Variants in CABCOCO1 observed in about 807,000 individuals in gnomAD.
CABCOCO1 encodes ciliary associated calcium binding coiled-coil 1.
A neutral mutation model predicts 35.7 loss-of-function variants in CABCOCO1; 28 were observed. The ratio of observed to expected loss-of-function variants is 0.78; its 90% CI spans 0.58 to 1.07. The LOEUF (loss-of-function observed/expected upper bound fraction) is 1.07, where lower values mean the gene tolerates loss of function less well. CABCOCO1 is among the 50% of genes least tolerant of loss of function. The pLI is 0.00. For synonymous variants in CABCOCO1, 95 were observed against 100.1 expected (o/e 0.95, Z 0.30); for missense variants, 326 against 309.2 (o/e 1.05, Z -0.41).
At chr10:61,715,271 CTTCT>C (rs1477656600) in intron 5 of CABCOCO1, among the ~76,000 whole-genome samples, 1 of 152,018 alleles carries the variant, frequency 6.6e-6, no homozygotes, top group Admixed American at 6.6e-5. Context: ...ATGTAATGGC[CTTCT>C]TTGTCTCTTT....
At chr10:61,684,524 C>T (rs576261844) in intron 3 of CABCOCO1, among the ~76,000 whole-genome samples, 1 of 152,298 alleles carries the variant, frequency 6.6e-6, no homozygotes, top group South Asian at 2.1e-4. Flanking sequence ...CACCCATTCC[C>T]TTCCAAATCA....
At chr10:61,682,511 A>G (rs1839824302) in intron 3 of CABCOCO1, among the ~76,000 whole-genome samples, 1 of 152,188 alleles carries the variant, frequency 6.6e-6, no homozygotes, top group Non-Finnish European at 1.5e-5. Flanking sequence ...CCAGGTCCAT[A>G]GACCTAGATG....
At chr10:61,681,423 G>C (rs1421938090) in intron 3 of CABCOCO1, 111 bp downstream of exon 3, 1 of 778,860 alleles carries the variant, frequency 1.3e-6, no homozygotes. Flanking sequence ...GAAAAATACG[G>C]GTTTTTCCTG....
chr10:61,678,212 T>C (rs1839584207), intron 2 of CABCOCO1, among the ~76,000 whole-genome samples: 1 of 152,162 alleles, frequency 6.6e-6, no homozygotes, highest in African/African-American at 2.4e-5. Flanking sequence ...ATTGGGTCTG[T>C]TTCTGGACTT....
intron 5 of CABCOCO1, among the ~76,000 whole-genome samples, chr10:61,698,525 C>T (rs1840354042): frequency 1.3e-5 from 2 of 152,138 alleles, no homozygotes; most frequent in East Asian, 1.9e-4. Context: ...ACTAGAGTCA[C>T]ATTTTGGCAG....
At chr10:61,746,999 A>T (rs534706840) in intron 5 of CABCOCO1, among the ~76,000 whole-genome samples, 9 of 152,294 alleles carry the variant, frequency 5.9e-5, no homozygotes, top group African/African-American at 2.2e-4. Context: ...AGGTGATTAA[A>T]TCTGACAGAT....
At chr10:61,750,221 A>T (rs1174048180) in intron 5 of CABCOCO1, among the ~76,000 whole-genome samples, 1 of 152,146 alleles carries the variant, frequency 6.6e-6, no homozygotes, top group East Asian at 1.9e-4. Context: ...TCTCTGAGGA[A>T]CTCTTTATGG....
At chr10:61,748,715 A>G (rs1409952937) in intron 5 of CABCOCO1, among the ~76,000 whole-genome samples, 1 of 152,226 alleles carries the variant, frequency 6.6e-6, no homozygotes, top group Non-Finnish European at 1.5e-5. Context: ...GTAAGATCGC[A>G]TTCTCTGTTT....
At chr10:61,731,755 G>A (rs1161885257) in intron 5 of CABCOCO1, among the ~76,000 whole-genome samples, 1 of 129,978 alleles carries the variant, frequency 7.7e-6, no homozygotes, top group African/African-American at 2.8e-5. Flanking sequence ...AAGGGAGGGA[G>A]GACAGAGGGA....
chr10:61,681,811 AATCT>A (rs553772773), intron 3 of CABCOCO1, among the ~76,000 whole-genome samples: 382 of 152,282 alleles, frequency 2.5e-3, no homozygotes, highest in African/African-American at 8.9e-3. Flanking sequence ...CAAAAATAAG[AATCT>A]ATCCATATTT....
chr10:61,677,792 G>A (rs113329050), intron 2 of CABCOCO1, among the ~76,000 whole-genome samples: 2,166 of 146,826 alleles, frequency 0.015, 25 homozygotes, highest in Middle Eastern at 0.037. Flanking sequence ...GAGAACATGC[G>A]GTGTTTGGTT....
At chr10:61,748,870 C>T (rs368284856) in intron 5 of CABCOCO1, among the ~76,000 whole-genome samples, 1 of 152,098 alleles carries the variant, frequency 6.6e-6, no homozygotes, top group African/African-American at 2.4e-5. Flanking sequence ...TAACTTGGTA[C>T]AGCTGTATAA....
intron 5 of CABCOCO1, among the ~76,000 whole-genome samples, chr10:61,694,688 T>C (rs1226565718): frequency 6.6e-6 from 1 of 152,054 alleles, no homozygotes; most frequent in Non-Finnish European, 1.5e-5. Flanking sequence ...ATTATGAGCC[T>C]GACACTCAGA....
intron 5 of CABCOCO1, among the ~76,000 whole-genome samples, chr10:61,730,836 T>C (rs1169819041): frequency 6.6e-6 from 1 of 151,826 alleles, no homozygotes; most frequent in Non-Finnish European, 1.5e-5. Context: ...CTGTCAAAAA[T>C]GCATAAATCA....
At chr10:61,762,468 C>A (rs951178545) in intron 7 of CABCOCO1, among the ~76,000 whole-genome samples, 5 of 152,092 alleles carry the variant, frequency 3.3e-5, no homozygotes, top group African/African-American at 1.2e-4. Flanking sequence ...GACAGGGATG[C>A]AGAACCGCTA....
chr10:61,720,917 CTTTT>C (rs71018996), intron 5 of CABCOCO1, among the ~76,000 whole-genome samples: 2 of 66,016 alleles, frequency 3.0e-5, no homozygotes, highest in African/African-American at 5.1e-5. Context: ...TCTTTTCATT[CTTTT>C]TTTTTTTTTT....
intron 5 of CABCOCO1, among the ~76,000 whole-genome samples, chr10:61,709,185 T>C (rs745430890): frequency 1.3e-5 from 2 of 152,170 alleles, no homozygotes; most frequent in Non-Finnish European, 2.9e-5. Context: ...ATTTTATCCC[T>C]TTTATTTCTA....
At chr10:61,717,173 A>G (rs909563801) in intron 5 of CABCOCO1, among the ~76,000 whole-genome samples, 2 of 152,158 alleles carry the variant, frequency 1.3e-5, no homozygotes, top group Non-Finnish European at 2.9e-5. Flanking sequence ...AAATTATCCT[A>G]TAGACCTGAA....
At chr10:61,746,476 T>C (rs370797685) in intron 5 of CABCOCO1, among the ~76,000 whole-genome samples, 2 of 152,214 alleles carry the variant, frequency 1.3e-5, no homozygotes, top group South Asian at 4.1e-4. Flanking sequence ...CTGTAATCTA[T>C]CATGGCTGGT....
Sources: gnomAD v4.1 joint callset for allele counts (sites outside exome capture counted in the v4.1 genomes callset) on GRCh38, gnomAD v4.1.1 for gene constraint, MANE v1.5 for transcripts, NCBI Gene and HGNC (gene_info 2026-07-23, HGNC 2026-07-21) for gene names.